The following CNIH3 variants were observed in gnomAD, a reference collection of about 807,000 sequenced individuals.
The protein encoded by CNIH3 is cornichon family AMPA receptor auxiliary protein 3.
Under a neutral mutation model 24.1 loss-of-function variants are expected in CNIH3, and 14 were observed. That is an observed-to-expected ratio of 0.58 (90% CI 0.38 to 0.91). The LOEUF (loss-of-function observed/expected upper bound fraction) is 0.91, where lower values mean the gene tolerates loss of function less well. CNIH3 is among the 40% of genes least tolerant of loss of function. The pLI is 0.00. For synonymous variants in CNIH3, 68 were observed against 73.8 expected (o/e 0.92, Z 0.40); for missense variants, 178 against 196.8 (o/e 0.90, Z 0.57).
upstream of CNIH3, among the ~76,000 whole-genome samples, chr1:224,514,444 ACTC>A (rs1678297163): frequency 6.6e-6 from 1 of 152,162 alleles, no homozygotes; most frequent in South Asian, 2.1e-4. Context: ...TTTAATATCT[ACTC>A]CTGTAAAACT....
At chr1:224,437,478 C>A (rs1344443831) in intron 1 of CNIH3, among the ~76,000 whole-genome samples, 1 of 152,120 alleles carries the variant, frequency 6.6e-6, no homozygotes, top group Non-Finnish European at 1.5e-5. Flanking sequence ...GACCTCCAGG[C>A]CTTTCCAACT....
chr1:224,659,856 G>A (rs1392233064), intron 1 of CNIH3, among the ~76,000 whole-genome samples: 1 of 152,138 alleles, frequency 6.6e-6, no homozygotes, highest in Non-Finnish European at 1.5e-5. Flanking sequence ...GCCTTTTCAT[G>A]GGGAGAAAAA....
intron 3 of CNIH3, among the ~76,000 whole-genome samples, chr1:224,712,844 C>T (rs1688228112): frequency 1.3e-5 from 2 of 152,142 alleles, no homozygotes; most frequent in African/African-American, 4.8e-5. Context: ...TGATGATCAA[C>T]TGGGTGTTTT....
chr1:224,469,809 T>A (rs1676294573), intron 1 of CNIH3, among the ~76,000 whole-genome samples: 1 of 152,240 alleles, frequency 6.6e-6, no homozygotes, highest in Non-Finnish European at 1.5e-5. Flanking sequence ...ACACTCTTCA[T>A]TCCTTTGGTT....
intron 3 of CNIH3, among the ~76,000 whole-genome samples, chr1:224,690,961 T>C (rs1686902463): frequency 6.6e-6 from 1 of 152,182 alleles, no homozygotes; most frequent in South Asian, 2.1e-4. Flanking sequence ...GGAGGAGTTA[T>C]GATGTGAAGT....
At chr1:224,449,307 C>T (rs879585099) in intron 1 of CNIH3, among the ~76,000 whole-genome samples, 7 of 151,994 alleles carry the variant, frequency 4.6e-5, no homozygotes, top group South Asian at 2.1e-4. Context: ...TTTCACCTCC[C>T]GCATCTCCTG....
At chr1:224,632,008 C>A (rs543804858) in intron 1 of CNIH3, among the ~76,000 whole-genome samples, 1 of 152,220 alleles carries the variant, frequency 6.6e-6, no homozygotes, top group Admixed American at 6.5e-5. Context: ...TAACTGCATT[C>A]CAGAGTTGTG....
In CNIH3 at chr1:224,604,407, G is replaced by T. The variant is rs1208155824; in HGVS notation, n.402+38143G>T. Among the ~76,000 whole-genome samples the T allele has an allele frequency of 6.6e-6, 1 of 152,228 alleles. No individual in the cohort carries two copies. Among genetic ancestry groups the T allele is most frequent in the Non-Finnish European group, 1.5e-5 (1 of 68,050 alleles). On this transcript the variant is annotated intron_variant and non_coding_transcript_variant, in intron 3 of 7. Transcript: ENST00000478120. This position sits in a 1 kb window ranked among gnomAD's most constrained non-coding sequence, Gnocchi z 4.4. Reference sequence around the variant, plus strand: ...AGAGATTCTGTCTCTGACGGGGAGGGGTGGGAGAGAAGAGATAATGCCTTT... The same window carrying T: ...AGAGATTCTGTCTCTGACGGGGAGGTGTGGGAGAGAAGAGATAATGCCTTT...
At chr1:224,501,900 C>T (rs1414328677) in intron 1 of CNIH3, among the ~76,000 whole-genome samples, 1 of 152,048 alleles carries the variant, frequency 6.6e-6, no homozygotes, top group Non-Finnish European at 1.5e-5. Context: ...TTGTGACCAG[C>T]TACTTTCCTG....
intron 2 of CNIH3, among the ~76,000 whole-genome samples, chr1:224,524,870 C>T (rs1678785217): frequency 1.3e-5 from 2 of 152,144 alleles, no homozygotes. Context: ...GCAAGTGACT[C>T]AGACCAGGAG....
intron 1 of CNIH3, among the ~76,000 whole-genome samples, chr1:224,493,928 G>A (rs1253022015): frequency 6.6e-6 from 1 of 152,042 alleles, no homozygotes; most frequent in East Asian, 1.9e-4. Flanking sequence ...GAACCAATCG[G>A]GTATGTAAAT....
chr1:224,643,621 C>T (rs1036667449), intron 1 of CNIH3, among the ~76,000 whole-genome samples: 17 of 152,084 alleles, frequency 1.1e-4, no homozygotes, highest in Non-Finnish European at 2.2e-4. Context: ...ATGGGATCCT[C>T]GTCACACAGC....
chr1:224,563,028 A>G lies in CNIH3; in HGVS notation n.451-3171A>G, dbSNP rs190507153. Among the ~76,000 whole-genome samples the G allele has an allele frequency of 6.6e-5, 10 of 152,314 alleles. No homozygotes were observed. In the East Asian group the frequency reaches 1.7e-3, roughly 26 times the overall value. On this transcript the variant is annotated intron_variant and non_coding_transcript_variant, in intron 3 of 5. Transcript: ENST00000471578. Reference sequence around the variant, plus strand: ...GCTACTCAATATTGCTCATCCTGTGACCTGGAAATTCCACTCCTAGGTATG... The same window carrying G: ...GCTACTCAATATTGCTCATCCTGTGGCCTGGAAATTCCACTCCTAGGTATG...
At chr1:224,445,814 A>G (rs1675137453) in intron 1 of CNIH3, among the ~76,000 whole-genome samples, 1 of 152,128 alleles carries the variant, frequency 6.6e-6, no homozygotes, top group Admixed American at 6.5e-5. Context: ...TTTAGAAGTC[A>G]TTTCTCGTCC....
chr1:224,538,738 T>C (rs1314690741), downstream of CNIH3, among the ~76,000 whole-genome samples: 1 of 150,826 alleles, frequency 6.6e-6, no homozygotes, highest in African/African-American at 2.4e-5. Flanking sequence ...GAGCTCACCA[T>C]AACCTCTAAC....
intron 2 of CNIH3, among the ~76,000 whole-genome samples, chr1:224,683,738 G>A (rs1423512485): frequency 6.6e-6 from 1 of 152,210 alleles, no homozygotes; most frequent in Non-Finnish European, 1.5e-5. Flanking sequence ...TTACTTTAAA[G>A]TAATGGTAGA....
Position 224,616,381 on chromosome 1 carries a change from T to G in CNIH3, c.-794T>G. Reference sequence around the variant, plus strand: ...GCAGCAGGTGGAGCGAGCTACAGCGTTTGGCCTGAAACCCACTGCTGCAGC... The same window carrying G: ...GCAGCAGGTGGAGCGAGCTACAGCGGTTGGCCTGAAACCCACTGCTGCAGC... On this transcript the variant is annotated 5_prime_UTR_variant, in exon 1 of 6. Transcript: ENST00000272133. The G allele has an allele frequency of 2.6e-6, 2 of 767,398 alleles. No individual in the cohort carries two copies. Among genetic ancestry groups the G allele is most frequent in the Non-Finnish European group, 3.2e-6 (2 of 618,216 alleles). 47.5% of individuals were successfully genotyped at this position (767,398 alleles called of 1,614,324 possible). A position where few individuals can be genotyped will look rare whatever the true frequency, so the allele number is the denominator to read the frequency against.
At chr1:224,621,364 G>T (rs1408388070) in intron 1 of CNIH3, among the ~76,000 whole-genome samples, 1 of 152,198 alleles carries the variant, frequency 6.6e-6, no homozygotes, top group Non-Finnish European at 1.5e-5. Flanking sequence ...GTTTCTCACA[G>T]TACCCACCTG....
intron 2 of CNIH3, among the ~76,000 whole-genome samples, chr1:224,531,829 T>C (rs1005769525): frequency 2.0e-5 from 3 of 152,040 alleles, no homozygotes; most frequent in African/African-American, 4.8e-5. Flanking sequence ...TGAGAGACAA[T>C]TGGCACAAAT....
Sources: allele counts gnomAD v4.1 joint callset (sites outside exome capture counted in the v4.1 genomes callset), GRCh38; gene constraint gnomAD v4.1.1; non-coding constraint Gnocchi (gnomAD v3.1); transcripts MANE v1.5; gene names NCBI Gene and HGNC (gene_info 2026-07-23, HGNC 2026-07-21).